Variants in MET observed in about 807,000 individuals in gnomAD.
MET encodes the protein MET proto-oncogene, receptor tyrosine kinase.
A neutral mutation model predicts 133.1 loss-of-function variants in MET; 48 were observed. The ratio of observed to expected loss-of-function variants is 0.36; its 90% CI spans 0.29 to 0.46. The LOEUF is 0.46. Among genes scored for constraint, MET ranks in the 20% least tolerant of loss-of-function variants. MET has a pLI of 1.00. For missense variants in MET, 1,442 were observed against 1,695.9 expected (o/e 0.85, Z 2.63); for synonymous variants, 628 against 616.5 (o/e 1.02, Z -0.28).
chr7:116,779,616 A>G (rs1267955231), intron 17 of MET, among the ~76,000 whole-genome samples: 1 of 152,146 alleles, frequency 6.6e-6, no homozygotes, highest in Non-Finnish European at 1.5e-5. Context: ...AAGCTGCCTG[A>G]AGCTGCCCAA....
At chr7:116,783,572 C>G in intron 19 of MET, 103 bp downstream of exon 19, 1 of 1,171,532 alleles carries the variant, frequency 8.5e-7, no homozygotes. Flanking sequence ...TCAACACCAC[C>G]AATTCCAGTT....
At chr7:116,728,138 A>AGAAAAT (rs997315169) in intron 2 of MET, among the ~76,000 whole-genome samples, 7 of 152,212 alleles carry the variant, frequency 4.6e-5, no homozygotes, top group Non-Finnish European at 8.8e-5. Context: ...TCAGCTATGG[A>AGAAAAT]GAAAATGAAA....
intron 13 of MET, 83 bp from the exon 14 acceptor site, chr7:116,771,766 A>C (rs1794841574): frequency 6.2e-7 from 1 of 1,610,852 alleles, no homozygotes; most frequent in Admixed American, 1.7e-5. Flanking sequence ...CATAAAACCC[A>C]TGAGTTCTGG....
intron 2 of MET, among the ~76,000 whole-genome samples, chr7:116,726,875 G>A (rs943394737): frequency 8.5e-5 from 13 of 152,234 alleles, no homozygotes; most frequent in Non-Finnish European, 1.9e-4. Flanking sequence ...CAGAAGGCCA[G>A]TGAGGAAGCA....
intron 14 of MET, among the ~76,000 whole-genome samples, chr7:116,774,307 T>C (rs1208201073): frequency 1.3e-5 from 2 of 152,216 alleles, no homozygotes; most frequent in African/African-American, 4.8e-5. Context: ...CTGCCTTCTC[T>C]AAACAACAGT....
intron 19 of MET, among the ~76,000 whole-genome samples, chr7:116,785,394 G>A (rs1270347996): frequency 2.6e-5 from 4 of 152,188 alleles, no homozygotes; most frequent in Non-Finnish European, 5.9e-5. Context: ...TGCATGGCAG[G>A]AGCAGGACCA....
At chr7:116,712,366 C>T (rs1792034079) in intron 2 of MET, among the ~76,000 whole-genome samples, 1 of 152,144 alleles carries the variant, frequency 6.6e-6, no homozygotes, top group Non-Finnish European at 1.5e-5. Context: ...TATCACACTC[C>T]GTGGTAATGT....
intron 2 of MET, among the ~76,000 whole-genome samples, chr7:116,722,779 T>C (rs1190041274): frequency 6.6e-6 from 1 of 152,070 alleles, no homozygotes; most frequent in Non-Finnish European, 1.5e-5. Flanking sequence ...GGGTTGAAAA[T>C]TCTTTTCTTT....
At chr7:116,746,942 A>G (rs554900106) in intron 5 of MET, among the ~76,000 whole-genome samples, 76 of 152,030 alleles carry the variant, frequency 5.0e-4, no homozygotes, top group African/African-American at 1.8e-3. Flanking sequence ...AATATATATA[A>G]AAAAAGAAAC....
chr7:116,675,245 G>A (rs143608767), intron 1 of MET, among the ~76,000 whole-genome samples: 1 of 152,158 alleles, frequency 6.6e-6, no homozygotes, highest in Non-Finnish European at 1.5e-5. Flanking sequence ...TATCATATGT[G>A]CTAGGTACTA....
At chr7:116,734,794 T>C (rs1396875725) in intron 3 of MET, among the ~76,000 whole-genome samples, 2 of 152,136 alleles carry the variant, frequency 1.3e-5, no homozygotes, top group Non-Finnish European at 2.9e-5. Flanking sequence ...AGAGTCAGAC[T>C]TGGGAACATT....
At chr7:116,750,209 G>A (rs1472955637) in intron 5 of MET, among the ~76,000 whole-genome samples, 1 of 151,974 alleles carries the variant, frequency 6.6e-6, no homozygotes, top group Non-Finnish European at 1.5e-5. Flanking sequence ...AACCAAAACA[G>A]CATGGTACTG....
At chr7:116,709,710 C>T (rs573744428) in intron 2 of MET, among the ~76,000 whole-genome samples, 78 of 152,174 alleles carry the variant, frequency 5.1e-4, no homozygotes, top group Admixed American at 1.2e-3. Flanking sequence ...TCCCGTAAGG[C>T]GACCAGAATC....
intron 19 of MET, 30 bp downstream of exon 19, chr7:116,783,499 CT>C: frequency 6.2e-7 from 1 of 1,613,136 alleles, no homozygotes; most frequent in Non-Finnish European, 8.5e-7. Context: ...TGAGTTTCTC[CT>C]CTTTTACTTT....
intron 2 of MET, among the ~76,000 whole-genome samples, chr7:116,709,082 G>A (rs932959601): frequency 6.6e-6 from 1 of 152,140 alleles, no homozygotes; most frequent in Non-Finnish European, 1.5e-5. Flanking sequence ...GGAGAGACAA[G>A]TGCTCACAAG....
At position 116,767,972 on chromosome 7, in the gene MET, A is replaced by ATGTG. The variant is rs764560452; in HGVS notation, c.2584-1672_2584-1671insGTGT. On this transcript the variant is annotated intron_variant, in intron 11 of 20. Transcript: ENST00000397752. ...ACGCTTCTAATATGCATATATATAT[A>ATGTG]TATGTGTGTGTGTGTGTGTGTGTGT... Among the ~76,000 whole-genome samples the ATGTG allele has an allele frequency of 1.8e-3, 220 of 124,570 alleles. 2 individuals are homozygous for ATGTG. Among genetic ancestry groups the ATGTG allele is most frequent in the African/African-American group, 5.9e-3 (178 of 30,262 alleles). The allele number at this position is 124,570 out of a possible 152,430, so 81.7% of individuals were successfully genotyped here. A position where few individuals can be genotyped will look rare whatever the true frequency, so the allele number is the denominator to read the frequency against.
At chr7:116,738,631 G>A (rs990552853) in intron 3 of MET, among the ~76,000 whole-genome samples, 1 of 152,178 alleles carries the variant, frequency 6.6e-6, no homozygotes, top group Non-Finnish European at 1.5e-5. Flanking sequence ...ATGTCATGAT[G>A]TTTAACTTTT....
intron 3 of MET, among the ~76,000 whole-genome samples, chr7:116,737,260 G>A (rs1471402205): frequency 6.6e-6 from 1 of 152,202 alleles, no homozygotes; most frequent in African/African-American, 2.4e-5. Flanking sequence ...TTGGCGGAGT[G>A]TGCTAGTAAC....
At chr7:116,756,023 A>G (rs1312300932) in intron 6 of MET, among the ~76,000 whole-genome samples, 4 of 152,320 alleles carry the variant, frequency 2.6e-5, no homozygotes, top group African/African-American at 9.6e-5. Flanking sequence ...TGGCACTGCA[A>G]TATATGGGCT....
Sources: allele counts gnomAD v4.1 joint callset (sites outside exome capture counted in the v4.1 genomes callset), GRCh38; gene constraint gnomAD v4.1.1; transcripts MANE v1.5; gene names NCBI Gene and HGNC (gene_info 2026-07-23, HGNC 2026-07-21).